Variants in SARDH observed in about 807,000 individuals in gnomAD.
The protein encoded by SARDH is sarcosine dehydrogenase, also known as sarcosine dehydrogenase, mitochondrial.
Under a neutral mutation model 109.1 loss-of-function variants are expected in SARDH, and 95 were observed. The ratio of observed to expected loss-of-function variants is 0.87; its 90% CI spans 0.74 to 1.03. SARDH has a LOEUF of 1.03. Among genes scored for constraint, SARDH ranks in the 50% least tolerant of loss-of-function variants. The pLI is 0.00. For missense variants in SARDH, 1,267 were observed against 1,287.8 expected, an observed-to-expected ratio of 0.98 and a Z score of 0.25; for synonymous variants, 572 against 534.8, an observed-to-expected ratio of 1.07 and a Z score of -0.96.
At chr9:133,714,174 G>A (rs937224465) in intron 8 of SARDH, among the ~76,000 whole-genome samples, 7 of 151,962 alleles carry the variant, frequency 4.6e-5, no homozygotes, top group African/African-American at 1.7e-4. Flanking sequence ...CAAGTCTGGG[G>A]GGTCATCCTC....
intron 16 of SARDH, among the ~76,000 whole-genome samples, chr9:133,688,065 C>T (rs1455478012): frequency 1.3e-5 from 2 of 152,206 alleles, no homozygotes; most frequent in African/African-American, 4.8e-5. Flanking sequence ...GCCTCCCCCA[C>T]ACTAAAAATA....
intron 17 of SARDH, among the ~76,000 whole-genome samples, chr9:133,683,068 G>A: frequency 6.6e-6 from 1 of 152,204 alleles, no homozygotes; most frequent in East Asian, 1.9e-4. Context: ...CTGTTCCTCT[G>A]GGGGATGTCA....
intron 14 of SARDH, 55 bp downstream of exon 14, chr9:133,696,168 T>TGAGGCTGTGCCC: frequency 6.2e-7 from 1 of 1,603,196 alleles, no homozygotes; most frequent in South Asian, 1.1e-5. Flanking sequence ...TCTCAGTGCC[T>TGAGGCTGTGCCC]GAGGCTGTGC....
At chr9:133,681,113 G>A (rs1830680267) in intron 17 of SARDH, among the ~76,000 whole-genome samples, 1 of 152,226 alleles carries the variant, frequency 6.6e-6, no homozygotes, top group Non-Finnish European at 1.5e-5. Context: ...GGCTGTGTGG[G>A]GATGGAAGCC....
At chr9:133,735,571 A>G (rs544728931) in intron 1 of SARDH, among the ~76,000 whole-genome samples, 245 of 152,300 alleles carry the variant, frequency 1.6e-3, no homozygotes, top group African/African-American at 5.7e-3. Context: ...AATCCACACA[A>G]TCAGCCTCCA....
In SARDH at chr9:133,712,554, C is replaced by T. The variant is rs1443044980; in HGVS notation, c.1328+65G>A. ...AAGGCTCCTTTCTCAGTAGCCCTCG[C>T]TGTTTACCCCACGCCACCTGTCCTG... On this transcript the variant is annotated intron_variant, in intron 10 of 20. Transcript: ENST00000439388. The surrounding 1 kb of genome is among the most constrained non-coding windows in gnomAD (Gnocchi z 4.1). The T allele has an allele frequency of 7.7e-6, 11 of 1,429,102 alleles. No individual in the cohort carries two copies. The highest frequency in any genetic ancestry group is 1.4e-5 in the African/African-American group (1 of 71,502). 88.5% of individuals were successfully genotyped at this position (1,429,102 alleles called of 1,614,324 possible). A position where few individuals can be genotyped will look rare whatever the true frequency, so the allele number is the denominator to read the frequency against.
chr9:133,661,723 C>A (rs1020279450), downstream of SARDH, among the ~76,000 whole-genome samples: 1 of 152,116 alleles, frequency 6.6e-6, no homozygotes, highest in African/African-American at 2.4e-5. Flanking sequence ...TCAGGTGATC[C>A]GCCCCCCTCG....
chr9:133,711,930 C>T (rs371374025), intron 10 of SARDH, among the ~76,000 whole-genome samples: 1 of 152,166 alleles, frequency 6.6e-6, no homozygotes, highest in African/African-American at 2.4e-5. Context: ...CCCCCCTTGC[C>T]GGGGAGCGCC....
At chr9:133,700,827 T>C (rs936727189) in intron 13 of SARDH, among the ~76,000 whole-genome samples, 11 of 152,204 alleles carry the variant, frequency 7.2e-5, no homozygotes, top group African/African-American at 2.7e-4. Context: ...TCTTCTATTC[T>C]TCACTGTATG....
At chr9:133,664,955 C>T (rs72761141) in intron 20 of SARDH, among the ~76,000 whole-genome samples, 280 of 152,298 alleles carry the variant, frequency 1.8e-3, no homozygotes, top group Non-Finnish European at 3.5e-3. Context: ...GGCAGAAACG[C>T]CTTCCCCATC....
At chr9:133,668,341 TTCTCCCTCACCCTCCC>T (rs1276435678) in intron 19 of SARDH, among the ~76,000 whole-genome samples, 65 of 46,376 alleles carry the variant, frequency 1.4e-3, no homozygotes, top group African/African-American at 5.0e-3. Flanking sequence ...CTCTCCCTCA[TTCTCCCTCACCCTCCC>T]TCTCCCTCAC....
At chr9:133,716,012 C>T (rs865859854) in intron 8 of SARDH, among the ~76,000 whole-genome samples, 10 of 152,254 alleles carry the variant, frequency 6.6e-5, no homozygotes, top group Admixed American at 4.6e-4. Context: ...GTGGGGAACA[C>T]CATGTGATTC....
intron 8 of SARDH, among the ~76,000 whole-genome samples, chr9:133,716,886 T>C (rs1264392282): frequency 1.3e-5 from 2 of 152,294 alleles, no homozygotes; most frequent in South Asian, 2.1e-4. Flanking sequence ...GAGGCAGAAC[T>C]GGGACTCACA....
chr9:133,683,266 G>A (rs749428286), intron 17 of SARDH, among the ~76,000 whole-genome samples: 10 of 152,218 alleles, frequency 6.6e-5, no homozygotes, highest in Non-Finnish European at 1.5e-4. Flanking sequence ...AGTCCCAGCA[G>A]CTTGCTGGAG....
At chr9:133,703,342 G>C (rs1831563725) in intron 12 of SARDH, 1 of 406,750 alleles carries the variant, frequency 2.5e-6, no homozygotes, top group African/African-American at 2.0e-5. Context: ...CAGGACCTCA[G>C]CCAGGGCTGC....
intron 3 of SARDH, 140 bp downstream of exon 3, chr9:133,732,283 A>G: frequency 3.0e-6 from 1 of 336,494 alleles, no homozygotes. Flanking sequence ...GCACACGGAC[A>G]TGAACCCCCA....
intron 17 of SARDH, among the ~76,000 whole-genome samples, chr9:133,677,559 C>T (rs533485463): frequency 5.3e-4 from 80 of 152,314 alleles, no homozygotes; most frequent in African/African-American, 1.7e-3. Context: ...CAGGGGACCT[C>T]TCCACCCATG....
At chr9:133,729,950 C>A in intron 5 of SARDH, 85 bp from the exon 6 acceptor site, 1 of 1,589,862 alleles carries the variant, frequency 6.3e-7, no homozygotes, top group Non-Finnish European at 8.6e-7. Context: ...CTCTGCAGAC[C>A]TGTCTGCCCT....
intron 17 of SARDH, among the ~76,000 whole-genome samples, chr9:133,682,076 C>G (rs985403056): frequency 3.3e-5 from 5 of 152,216 alleles, no homozygotes; most frequent in African/African-American, 1.2e-4. Context: ...CCGCACATAC[C>G]TCCGACCTGG....
Sources: gnomAD v4.1 joint callset for allele counts (sites outside exome capture counted in the v4.1 genomes callset) on GRCh38, gnomAD v4.1.1 for gene constraint, Gnocchi (gnomAD v3.1) non-coding constraint, MANE v1.5 for transcripts, NCBI Gene and HGNC (gene_info 2026-07-23, HGNC 2026-07-21) for gene names.